The following SLC5A7 variants were observed in gnomAD, a reference collection of about 807,000 sequenced individuals.
SLC5A7 encodes the protein high affinity choline transporter 1.
In SLC5A7, 19 loss-of-function variants were observed where a neutral mutation model predicts 55.4. The observed-to-expected ratio is 0.34, with a 90% confidence interval of 0.24 to 0.50. The LOEUF is 0.50. Ranked by LOEUF, SLC5A7 falls within the 20% of genes least tolerant of loss-of-function variation. The probability of loss-of-function intolerance (pLI) is 0.98; values close to 1 mark genes in which losing one functional copy is unlikely to be tolerated. For synonymous variants in SLC5A7, 265 were observed against 263.7 expected (o/e 1.00, Z -0.05); for missense variants, 506 against 705.3 (o/e 0.72, Z 3.20).
chr2:108,007,441 T>C (rs1408897370), intron 7 of SLC5A7, among the ~76,000 whole-genome samples: 1 of 149,546 alleles, frequency 6.7e-6, no homozygotes, highest in African/African-American at 2.5e-5. Context: ...AGATAGTATT[T>C]CTCTCACAAG....
intron 7 of SLC5A7, among the ~76,000 whole-genome samples, chr2:108,006,812 G>A (rs1196976264): frequency 1.1e-4 from 16 of 152,116 alleles, no homozygotes; most frequent in Admixed American, 6.6e-5. Context: ...GCTTAGAGAC[G>A]TTTACCTGTC....
rs1373350053 is a variant in SLC5A7 at position 108,010,829 on chromosome 2, G to A, written c.1711G>A (p.Glu571Lys). The A allele has an allele frequency of 6.2e-7, 1 of 1,605,606 alleles. No homozygotes were observed. The highest frequency in any genetic ancestry group is 1.3e-5 in the African/African-American group (1 of 74,420). Residue 571 changes from glutamate (E) to lysine (K), a missense_variant, in exon 9 of 9, where the codon GAA (glutamate) becomes AAA (lysine). Physicochemically the swap from Glu to Lys is moderately conservative, Grantham distance 56. Coordinates refer to ENST00000264047, the MANE Select transcript of SLC5A7 (RefSeq NM_021815.5). The stretch of plus-strand genomic sequence containing the variant: ...CTTCCTTGATGTTGATTCCAGTCCA[G>A]AAGGGTCTGGGACTGAAGATAATTT... Reference protein sequence around the residue: ...EAFLDVDSSPEGSGTEDNLQ With the variant: ...EAFLDVDSSPKGSGTEDNLQ
chr2:107,991,970 A>G (rs1212088297), intron 2 of SLC5A7, 136 bp from the exon 3 acceptor site: 8 of 437,934 alleles, frequency 1.8e-5, no homozygotes, highest in Non-Finnish European at 3.4e-5. Context: ...TGTTTATTTT[A>G]TATTCCTAAA....
intron 5 of SLC5A7, among the ~76,000 whole-genome samples, chr2:107,998,531 GTAT>G (rs1677766674): frequency 6.6e-6 from 1 of 152,144 alleles, no homozygotes; most frequent in African/African-American, 2.4e-5. Flanking sequence ...TGAGACATGA[GTAT>G]TATTAGTATT....
chr2:107,992,837 T>A, intron 3 of SLC5A7, 135 bp from the exon 4 acceptor site: 1 of 785,444 alleles, frequency 1.3e-6, no homozygotes, highest in South Asian at 1.9e-5. Flanking sequence ...AGTAGGTTGG[T>A]ACTGTGTGCA....
intron 4 of SLC5A7, among the ~76,000 whole-genome samples, chr2:107,994,652 TC>T (rs1188973524): frequency 6.6e-6 from 1 of 152,154 alleles, no homozygotes; most frequent in Non-Finnish European, 1.5e-5. Flanking sequence ...ATAATAATAC[TC>T]CACATCCACT....
At position 108,010,892 on chromosome 2, in the gene SLC5A7, A is replaced by C; in HGVS notation, c.*31A>C. Reference sequence around the variant, plus strand: ...TCTAAATAAAATACTGCTTTTGCAAACAGAACACTGTAATAGGGTAGTTCT... The same window carrying C: ...TCTAAATAAAATACTGCTTTTGCAACCAGAACACTGTAATAGGGTAGTTCT... On this transcript the variant is annotated 3_prime_UTR_variant, in exon 9 of 9. Coordinates refer to ENST00000264047, the MANE Select transcript of SLC5A7 (RefSeq NM_021815.5). The C allele has an allele frequency of 1.3e-6, 2 of 1,530,474 alleles. No homozygotes were observed. Among genetic ancestry groups the C allele is most frequent in the Non-Finnish European group, 1.7e-6 (2 of 1,150,482 alleles). The allele number at this position is 1,530,474 out of a possible 1,614,324, so 94.8% of individuals were successfully genotyped here.
chr2:107,991,889 G>A (rs1327679974), intron 2 of SLC5A7, among the ~76,000 whole-genome samples: 1 of 152,172 alleles, frequency 6.6e-6, no homozygotes, highest in Non-Finnish European at 1.5e-5. Flanking sequence ...TATAACTTAT[G>A]TAACTCAATT....
rs749606829 is a variant in SLC5A7, at chr2:108,010,644, C to A, written c.1526C>A (p.Pro509His). 6.2e-7 allele frequency: 1 copy of A among 1,613,836 alleles called. No homozygotes were observed. Among genetic ancestry groups the A allele is most frequent in the African/African-American group, 1.3e-5 (1 of 74,980 alleles). ...CTATTTGAAAGTGGAACCTTGCCAC[C>A]TAAATTAGATGTATTTGATGCTGTT... Reference protein sequence around the residue: ...KYLFESGTLPPKLDVFDAVVA... With the variant: ...KYLFESGTLPHKLDVFDAVVA... The change falls in exon 9 of 9, where the codon CCT (proline) becomes CAT (histidine). Residue 509 changes from proline to histidine, a missense_variant. Around this residue, in one of 4 missense-constraint regions of SLC5A7, gnomAD observed 137 missense variants for 143.6 expected, o/e 0.95. Transcript: ENST00000264047.
chr2:108,009,659 A>G (rs545697454), intron 8 of SLC5A7, among the ~76,000 whole-genome samples: 1 of 152,276 alleles, frequency 6.6e-6, no homozygotes, highest in Admixed American at 6.5e-5. Flanking sequence ...TTTTATGGCC[A>G]CATAGTATTC....
chr2:107,991,098 T>C (rs952491005), intron 2 of SLC5A7, among the ~76,000 whole-genome samples: 1 of 152,222 alleles, frequency 6.6e-6, no homozygotes, highest in African/African-American at 2.4e-5. Context: ...TATTATACTG[T>C]TTCCTCAGAG....
In SLC5A7 at chr2:108,013,509, G is replaced by A. The variant is rs1678419519; in HGVS notation, c.*2648G>A. 1 of 152,128 alleles carries A rather than the reference G, an allele frequency of 6.6e-6. No homozygotes were observed. Among genetic ancestry groups the A allele is most frequent in the Non-Finnish European group, 1.5e-5 (1 of 67,996 alleles). 9.4% of individuals were successfully genotyped at this position (152,128 alleles called of 1,614,324 possible). ...TATCACAAAGCTGTGAAATGTGCAA[G>A]AGTATACTTTGTACCCATCATGTGC... On this transcript the variant is annotated 3_prime_UTR_variant, in exon 9 of 9. Transcript: ENST00000264047.
At chr2:107,998,501 T>C (rs1054099036) in intron 5 of SLC5A7, among the ~76,000 whole-genome samples, 4 of 152,236 alleles carry the variant, frequency 2.6e-5, no homozygotes, top group African/African-American at 9.6e-5. Context: ...ATTTATTATC[T>C]ATTGTTTTTA....
chr2:108,007,201 C>T (rs1421197520), intron 7 of SLC5A7, among the ~76,000 whole-genome samples: 1 of 152,052 alleles, frequency 6.6e-6, no homozygotes, highest in African/African-American at 2.4e-5. Flanking sequence ...GATTAAAGTT[C>T]ACCTTTTGTC....
In SLC5A7 at chr2:107,988,087, T is replaced by C; in HGVS notation, c.-51-18T>C. 6.6e-7 allele frequency: 1 copy of C among 1,514,794 alleles called. No individual in the cohort carries two copies. Among genetic ancestry groups the C allele is most frequent in the Non-Finnish European group, 9.1e-7 (1 of 1,103,822 alleles). The allele number at this position is 1,514,794 out of a possible 1,614,324, so 93.8% of individuals were successfully genotyped here. On this transcript the variant is annotated intron_variant, in intron 1 of 8. Transcript: ENST00000264047. The stretch of plus-strand genomic sequence containing the variant: ...TAGTGCTTGACTGGTTTATAATGCA[T>C]CCCTGTATTTTCTTCAGAAGACTTA...
intron 6 of SLC5A7, among the ~76,000 whole-genome samples, chr2:108,003,053 C>T (rs1479451108): frequency 1.3e-5 from 2 of 152,042 alleles, no homozygotes; most frequent in African/African-American, 4.8e-5. Flanking sequence ...AAGTAAAGGG[C>T]AGGAAAATAT....
At chr2:107,988,390 G>A in intron 2 of SLC5A7, 57 bp downstream of exon 2, 2 of 1,516,650 alleles carry the variant, frequency 1.3e-6, no homozygotes, top group East Asian at 2.3e-5. Context: ...ATCTGTGAGT[G>A]TGCAGCGTGT....
At chr2:107,994,252 C>T (rs991276081) in intron 4 of SLC5A7, among the ~76,000 whole-genome samples, 7 of 152,052 alleles carry the variant, frequency 4.6e-5, no homozygotes, top group African/African-American at 1.7e-4. Context: ...TGACTGTTGC[C>T]GAAACAAGAG....
At position 108,010,306 on chromosome 2, in the gene SLC5A7, C is replaced by G. The variant is rs1221514452; in HGVS notation, c.1188C>G (p.Ala396=). Residue 396 remains alanine, a synonymous_variant, in exon 9 of 9, where the codon GCC becomes GCG. Transcript: ENST00000264047. ...FVFGASATAM[A]LLTKTVYGLW... ...TTGGAGCATCTGCAACAGCCATGGC[C>G]TTGCTGACGAAAACTGTGTATGGGC... The G allele has an allele frequency of 6.2e-7, 1 of 1,613,940 alleles. No homozygotes were observed. Among genetic ancestry groups the G allele is most frequent in the South Asian group, 1.1e-5 (1 of 91,072 alleles).
Sources: allele counts gnomAD v4.1 joint callset (sites outside exome capture counted in the v4.1 genomes callset), GRCh38; gene constraint gnomAD v4.1.1; regional missense constraint gnomAD v4.1.1; transcripts MANE v1.5; gene names NCBI Gene and HGNC (gene_info 2026-07-23, HGNC 2026-07-21).